COCH: variants seen among roughly 807,000 people sequenced by gnomAD.
The protein encoded by COCH is coagulation factor C homolog, cochlin (Limulus polyphemus).
A neutral mutation model predicts 54.8 loss-of-function variants in COCH; 40 were observed. The observed-to-expected ratio is 0.73, with a 90% CI of 0.57 to 0.95. COCH has a LOEUF of 0.95. Ranked by LOEUF, COCH falls within the 40% of genes least tolerant of loss-of-function variation. The probability of loss-of-function intolerance (pLI) is 0.00; values close to 1 mark genes in which losing one functional copy is unlikely to be tolerated. For missense variants in COCH, 605 were observed against 675.0 expected (o/e 0.90, Z 1.15); for synonymous variants, 256 against 237.9 (o/e 1.08, Z -0.70).
intron 6 of COCH, among the ~76,000 whole-genome samples, chr14:30,879,871 C>G (rs1053100231): frequency 3.9e-5 from 6 of 152,014 alleles, no homozygotes; most frequent in African/African-American, 1.5e-4. Flanking sequence ...CTATGATGCC[C>G]AGGCTGGTTT....
At chr14:30,888,962 A>T (rs1291258733) in intron 11 of COCH, among the ~76,000 whole-genome samples, 2 of 152,182 alleles carry the variant, frequency 1.3e-5, no homozygotes, top group African/African-American at 4.8e-5. Flanking sequence ...CCAGTTTCAT[A>T]AGATCCCTCT....
chr14:30,878,187 A>G (rs1895438095), intron 4 of COCH, among the ~76,000 whole-genome samples: 1 of 152,252 alleles, frequency 6.6e-6, no homozygotes, highest in South Asian at 2.1e-4. Flanking sequence ...TTCTAAAAAA[A>G]TTCAGTCCAA....
chr14:30,875,471 T>C lies in COCH; in HGVS notation c.82+368T>C, dbSNP rs1895324333. The C allele has an allele frequency of 4.5e-5, 24 of 536,420 alleles. No homozygotes were observed. The South Asian group carries it at 7.2e-4, about 16-fold the overall frequency. The allele number at this position is 536,420 out of a possible 1,614,324, so 33.2% of individuals were successfully genotyped here. A position where few individuals can be genotyped will look rare whatever the true frequency, so the allele number is the denominator to read the frequency against. On this transcript the variant is annotated intron_variant, in intron 3 of 11. Coordinates refer to ENST00000396618, the MANE Select transcript of COCH (RefSeq NM_004086.3). Reference sequence around the variant, plus strand: ...CGAGGAGCGCACCAGTCCTGGGCTCTGCTGCGTTTGGGGGTGGAGGAGAAG... The same window carrying C: ...CGAGGAGCGCACCAGTCCTGGGCTCCGCTGCGTTTGGGGGTGGAGGAGAAG...
chr14:30,893,402 T>C (rs1480909644), downstream of COCH, among the ~76,000 whole-genome samples: 1 of 152,050 alleles, frequency 6.6e-6, no homozygotes, highest in East Asian at 1.9e-4. Flanking sequence ...TCCACCCACC[T>C]CGGCCTCCCA....
Position 30,884,654 on chromosome 14 carries a change from C to G in COCH, c.731C>G (p.Thr244Arg), listed in dbSNP as rs750832640. ...GGTTTCAGAGGGGGTAATTCCAATA[C>G]AGGTAAGTAGACTTTGATACCTGGG... ...EVGFRGGNSNTGKALKHTAQK... is the reference protein window; with the variant it reads ...EVGFRGGNSNRGKALKHTAQK... The change falls in exon 9 of 12, where the codon ACA becomes AGA. Residue 244 changes from threonine (T) to arginine (R), a missense_variant and splice_region_variant. Thr to Arg is a moderately conservative substitution (Grantham distance 71, BLOSUM62 -1). Coordinates refer to ENST00000396618, the MANE Select transcript of COCH (RefSeq NM_004086.3). 1 of 1,597,740 alleles carries G rather than the reference C, an allele frequency of 6.3e-7. No homozygotes were observed.
intron 10 of COCH, 28 bp downstream of exon 10, chr14:30,885,648 A>G: frequency 6.7e-7 from 1 of 1,484,936 alleles, no homozygotes; most frequent in South Asian, 1.1e-5. Flanking sequence ...ATCTTCTGTT[A>G]CAGTGATGGG....
intron 8 of COCH, among the ~76,000 whole-genome samples, chr14:30,882,120 G>GTTTTTTTTTTTTTGTTTTGTTTTTTTT (rs1895619344): frequency 9.6e-4 from 65 of 67,910 alleles, no homozygotes; most frequent in African/African-American, 3.8e-3. Flanking sequence ...CTATAAAATG[G>GTTTTTTTTTTTTTGTTTTGTTTTTTTT]TTTTTTTTTT....
intron 11 of COCH, chr14:30,889,033 A>C (rs901026043): frequency 6.5e-6 from 1 of 153,358 alleles, no homozygotes; most frequent in East Asian, 1.9e-4. Flanking sequence ...TTTTCTGATT[A>C]TTAGACAGTT....
intron 4 of COCH, among the ~76,000 whole-genome samples, chr14:30,878,429 G>C (rs1162451385): frequency 6.6e-6 from 1 of 152,178 alleles, no homozygotes; most frequent in African/African-American, 2.4e-5. Context: ...GGGAGGCTGA[G>C]GCGGATGGAC....
chr14:30,884,804 G>A, intron 9 of COCH, 148 bp downstream of exon 9: 1 of 1,338,680 alleles, frequency 7.5e-7, no homozygotes, highest in Non-Finnish European at 1.0e-6. Flanking sequence ...GATCATCTGA[G>A]ATAAATTTTC....
chr14:30,874,619 G>T, intron 1 of COCH, 28 bp downstream of exon 1: 1 of 517,152 alleles, frequency 1.9e-6, no homozygotes, highest in Non-Finnish European at 3.5e-6. Context: ...GCGGGCGCGG[G>T]TGCGAGGGAT....
chr14:30,894,864 TA>T (rs763406267), downstream of COCH: 1 of 775,206 alleles, frequency 1.3e-6, no homozygotes, highest in Non-Finnish European at 1.7e-6. Flanking sequence ...CAACTAATGC[TA>T]AAATATTTTA....
In COCH at chr14:30,875,120, G is replaced by A; in HGVS notation, c.82+17G>A. On this transcript the variant is annotated intron_variant, in intron 3 of 11. Coordinates refer to ENST00000396618, the MANE Select transcript of COCH (RefSeq NM_004086.3). Reference sequence around the variant, plus strand: ...AGGGAGCCGGTGAGTGGGGGAGCTGGGGTGCGTCCAGGCGGTCGCAGGGGC... The same window carrying A: ...AGGGAGCCGGTGAGTGGGGGAGCTGAGGTGCGTCCAGGCGGTCGCAGGGGC... 1 of 1,555,530 alleles carries A rather than the reference G, an allele frequency of 6.4e-7. No homozygotes were observed. The highest frequency in any genetic ancestry group is 8.7e-7 in the Non-Finnish European group (1 of 1,150,882).
At chr14:30,885,088 A>C (rs1456719663) in intron 9 of COCH, 2 of 1,570,900 alleles carry the variant, frequency 1.3e-6, no homozygotes, top group Non-Finnish European at 1.7e-6. Flanking sequence ...CATGCATGGA[A>C]GTGGGAATCA....
chr14:30,881,897 G>C (rs1391481808), intron 8 of COCH, among the ~76,000 whole-genome samples: 1 of 151,778 alleles, frequency 6.6e-6, no homozygotes, highest in Non-Finnish European at 1.5e-5. Context: ...CCAGGAGGTG[G>C]AGCTTGCAGT....
Position 30,877,547 on chromosome 14 carries a change from A to T in COCH, c.83-25A>T, listed in dbSNP as rs747755472. Reference sequence around the variant, plus strand: ...GCCCCAAGAAGTCCTAAGAATGCTTACAATATTATCTCCTTTTTCTTCAGC... The same window carrying T: ...GCCCCAAGAAGTCCTAAGAATGCTTTCAATATTATCTCCTTTTTCTTCAGC... On this transcript the variant is annotated intron_variant, in intron 3 of 11. Transcript: ENST00000396618. This position sits in a 1 kb window ranked among gnomAD's most constrained non-coding sequence, Gnocchi z 8.6. The T allele has an allele frequency of 1.2e-5, 20 of 1,613,274 alleles. No individual in the cohort carries two copies. The highest frequency in any genetic ancestry group is 1.7e-5 in the Non-Finnish European group (20 of 1,179,998).
chr14:30,889,847 G>T lies in COCH; in HGVS notation c.*56G>T, dbSNP rs1895925598. Reference sequence around the variant, plus strand: ...TACAAGGGGATCCAGTGTGTAAATTGTATTCTCATAATACTGAAATGCTTT... The same window carrying T: ...TACAAGGGGATCCAGTGTGTAAATTTTATTCTCATAATACTGAAATGCTTT... On this transcript the variant is annotated 3_prime_UTR_variant, in exon 12 of 12. Transcript: ENST00000396618. 1.3e-6 allele frequency: 2 copies of T among 1,577,286 alleles called. No homozygotes were observed. The highest frequency in any genetic ancestry group is 2.0e-4 in the Middle Eastern group (1 of 4,960).
At chr14:30,874,806 CCT>C (rs1895291864) in intron 1 of COCH, 108 bp from the exon 2 acceptor site, 7 of 1,021,596 alleles carry the variant, frequency 6.9e-6, no homozygotes, top group Non-Finnish European at 1.1e-5. Flanking sequence ...TCGTCTGTGT[CCT>C]CTCTCCTCTG....
chr14:30,874,774 G>T, intron 1 of COCH, 142 bp from the exon 2 acceptor site: 1 of 769,204 alleles, frequency 1.3e-6, no homozygotes, highest in South Asian at 1.6e-5. Context: ...GACCTAGAGG[G>T]GCGCTGGCCT....
Sources: gnomAD v4.1 joint callset for allele counts (sites outside exome capture counted in the v4.1 genomes callset) on GRCh38, gnomAD v4.1.1 for gene constraint, Gnocchi (gnomAD v3.1) non-coding constraint, MANE v1.5 for transcripts, NCBI Gene and HGNC (gene_info 2026-07-23, HGNC 2026-07-21) for gene names.